Variants in AFAP1L1 observed in about 807,000 individuals in gnomAD.
AFAP1L1 encodes actin filament-associated protein 1-like 1.
A neutral mutation model predicts 99.8 loss-of-function variants in AFAP1L1; 77 were observed. The ratio of observed to expected loss-of-function variants is 0.77; its 90% CI spans 0.64 to 0.93. The LOEUF (loss-of-function observed/expected upper bound fraction) is 0.93, where lower values mean the gene tolerates loss of function less well. Among genes scored for constraint, AFAP1L1 ranks in the 40% least tolerant of loss-of-function variants. The probability of loss-of-function intolerance (pLI) is 0.00; values close to 1 mark genes in which losing one functional copy is unlikely to be tolerated. For missense variants in AFAP1L1, 893 were observed against 996.8 expected (o/e 0.90, Z 1.40); for synonymous variants, 373 against 395.3 (o/e 0.94, Z 0.67).
Position 149,332,776 on chromosome 5 carries a change from T to A in AFAP1L1, c.2057T>A (p.Leu686Gln). 6.2e-7 allele frequency: 1 copy of A among 1,613,638 alleles called. No homozygotes were observed. Among genetic ancestry groups the A allele is most frequent in the Non-Finnish European group, 8.5e-7 (1 of 1,179,996 alleles). Residue 686 changes from leucine to glutamine, a missense_variant, in exon 17 of 19, where the codon CTG becomes CAG. Physicochemically the swap from Leu to Gln is moderately radical, Grantham distance 113. Transcript: ENST00000296721. Reference protein sequence around the residue: ...CRAKEERRIDLELKLVAVKER... With the variant: ...CRAKEERRIDQELKLVAVKER... Reference sequence around the variant, plus strand: ...GCAAAGGAGGAGCGCCGGATTGACCTGGAGCTGAAGCTGGTGGCTGTGAAG... The same window carrying A: ...GCAAAGGAGGAGCGCCGGATTGACCAGGAGCTGAAGCTGGTGGCTGTGAAG...
chr5:149,333,649 T>A (rs922937262), intron 17 of AFAP1L1, among the ~76,000 whole-genome samples: 1 of 152,246 alleles, frequency 6.6e-6, no homozygotes, highest in African/African-American at 2.4e-5. Context: ...AATTCTTTCT[T>A]ATAAGGGACT....
intron 18 of AFAP1L1, among the ~76,000 whole-genome samples, chr5:149,336,298 C>T (rs569190751): frequency 2.0e-5 from 3 of 152,298 alleles, no homozygotes. Context: ...ATATATATAG[C>T]ACATGGAGTG....
intron 18 of AFAP1L1, among the ~76,000 whole-genome samples, chr5:149,339,643 C>T (rs556711810): frequency 6.6e-6 from 1 of 152,158 alleles, no homozygotes; most frequent in Non-Finnish European, 1.5e-5. Context: ...AGACTTGGCC[C>T]ACAGACTATC....
chr5:149,326,085 C>T (rs936945185), intron 15 of AFAP1L1, among the ~76,000 whole-genome samples: 5 of 152,132 alleles, frequency 3.3e-5, no homozygotes, highest in Admixed American at 1.3e-4. Context: ...ACAGAGAACT[C>T]CAAAGCTCTT....
intron 1 of AFAP1L1, among the ~76,000 whole-genome samples, chr5:149,281,181 TGGG>T (rs897699410): frequency 3.3e-5 from 5 of 152,276 alleles, no homozygotes; most frequent in Non-Finnish European, 7.4e-5. Flanking sequence ...ACCTGTGTAA[TGGG>T]GGACTCATCA....
At chr5:149,322,437 T>C (rs1450514075) in intron 14 of AFAP1L1, among the ~76,000 whole-genome samples, 169 bp from the exon 15 acceptor site, 2 of 152,226 alleles carry the variant, frequency 1.3e-5, no homozygotes, top group Admixed American at 6.5e-5. Context: ...TCAAATGATA[T>C]ACTGCTAGCA....
intron 1 of AFAP1L1, among the ~76,000 whole-genome samples, chr5:149,290,921 C>T (rs970392746): frequency 2.0e-5 from 3 of 152,224 alleles, no homozygotes; most frequent in East Asian, 1.9e-4. Flanking sequence ...TGGCAATGTT[C>T]GTGCACTCAA....
At chr5:149,324,726 G>A (rs1273796292) in intron 15 of AFAP1L1, among the ~76,000 whole-genome samples, 1 of 152,160 alleles carries the variant, frequency 6.6e-6, no homozygotes, top group African/African-American at 2.4e-5. Context: ...CAGGCTGAAG[G>A]ATCCACTTCT....
chr5:149,294,983 A>C (rs1262828712), intron 1 of AFAP1L1, among the ~76,000 whole-genome samples: 1 of 152,160 alleles, frequency 6.6e-6, no homozygotes, highest in East Asian at 1.9e-4. Context: ...CCTCCTTTGT[A>C]GGGCGCTGGA....
Position 149,327,197 on chromosome 5 carries a change from G to C in AFAP1L1, c.1811-2469G>C, listed in dbSNP as rs933811716. ...TATTTAAAGAACTTAAGGAAACCAT[G>C]CTTAAAGAAATAAAGGAACAGAAGA... On this transcript the variant is annotated intron_variant, in intron 15 of 18. Transcript: ENST00000296721. Among the ~76,000 whole-genome samples the C allele has an allele frequency of 2.6e-4, 36 of 140,286 alleles. 1 individual carries two copies. The highest frequency in any genetic ancestry group is 1.9e-3 in the Admixed American group (28 of 14,478). The allele number at this position is 140,286 out of a possible 152,430, so 92.0% of individuals were successfully genotyped here.
intron 18 of AFAP1L1, among the ~76,000 whole-genome samples, chr5:149,338,258 G>A (rs1321332204): frequency 1.3e-5 from 2 of 152,120 alleles, no homozygotes; most frequent in African/African-American, 2.4e-5. Context: ...CCAGGAGTTC[G>A]AGATCAGCCT....
At chr5:149,283,139 T>C (rs139682295) in intron 1 of AFAP1L1, among the ~76,000 whole-genome samples, 2 of 151,994 alleles carry the variant, frequency 1.3e-5, no homozygotes, top group Non-Finnish European at 2.9e-5. Flanking sequence ...GTACAAGGAG[T>C]AGTGGCTTGC....
intron 6 of AFAP1L1, 80 bp from the exon 7 acceptor site, chr5:149,307,322 T>C: frequency 4.8e-6 from 7 of 1,463,290 alleles, no homozygotes; most frequent in Non-Finnish European, 5.7e-6. Flanking sequence ...CAGTCCCCAG[T>C]GCAGGGATCG....
chr5:149,331,422 C>T lies in AFAP1L1; in HGVS notation c.1976-1273C>T, dbSNP rs187495152. Among the ~76,000 whole-genome samples the T allele has an allele frequency of 5.6e-3, 850 of 152,146 alleles. 12 individuals are homozygous for T. Among genetic ancestry groups the T allele is most frequent in the African/African-American group, 0.019 (805 of 41,524 alleles). ...GATCACAAGGTCAGGAGATCGAGAC[C>T]ATCCTGGCTAACACGGTGAAACCCC... is the stretch of plus-strand genomic sequence containing the variant. On this transcript the variant is annotated intron_variant, in intron 16 of 18. Coordinates refer to ENST00000296721, the MANE Select transcript of AFAP1L1 (RefSeq NM_152406.4).
intron 1 of AFAP1L1, among the ~76,000 whole-genome samples, chr5:149,272,443 G>A (rs1033650276): frequency 5.3e-5 from 8 of 152,170 alleles, no homozygotes. Flanking sequence ...GCCGTGAGCA[G>A]GCGCGCGTGT....
At chr5:149,294,545 C>G (rs193167781) in intron 1 of AFAP1L1, among the ~76,000 whole-genome samples, 64 of 152,274 alleles carry the variant, frequency 4.2e-4, no homozygotes, top group African/African-American at 1.3e-3. Context: ...TGATGTATAT[C>G]GGGTTTTCTC....
At chr5:149,313,905 C>G (rs1756715679) in intron 9 of AFAP1L1, among the ~76,000 whole-genome samples, 1 of 152,116 alleles carries the variant, frequency 6.6e-6, no homozygotes, top group Non-Finnish European at 1.5e-5. Context: ...GGTGCAGGAG[C>G]AGGAAGAAGC....
At chr5:149,326,987 G>A (rs1757115021) in intron 15 of AFAP1L1, among the ~76,000 whole-genome samples, 1 of 152,172 alleles carries the variant, frequency 6.6e-6, no homozygotes, top group Non-Finnish European at 1.5e-5. Flanking sequence ...TTGGGGGGAT[G>A]CATATCAAAA....
chr5:149,310,505 G>A (rs1014709321), intron 8 of AFAP1L1, among the ~76,000 whole-genome samples: 2 of 152,182 alleles, frequency 1.3e-5, no homozygotes, highest in Non-Finnish European at 2.9e-5. Context: ...ATCCTTCCTT[G>A]CCTTGAAACG....
Sources: allele counts gnomAD v4.1 joint callset (sites outside exome capture counted in the v4.1 genomes callset), GRCh38; gene constraint gnomAD v4.1.1; transcripts MANE v1.5; gene names NCBI Gene and HGNC (gene_info 2026-07-23, HGNC 2026-07-21).